The following DENND1A variants were observed in gnomAD, a reference collection of about 807,000 sequenced individuals.
DENND1A encodes DENN domain containing 1A, also known as DENN domain-containing protein 1A.
Under a neutral mutation model 113.7 loss-of-function variants are expected in DENND1A, and 51 were observed. The ratio of observed to expected loss-of-function variants is 0.45; its 90% CI spans 0.36 to 0.57. The LOEUF (loss-of-function observed/expected upper bound fraction) is 0.57. Among genes scored for constraint, DENND1A ranks in the 20% least tolerant of loss-of-function variants. The pLI is 0.00. For synonymous variants in DENND1A, 565 were observed against 570.8 expected, an observed-to-expected ratio of 0.99 and a Z score of 0.14; for missense variants, 1,258 against 1,395.9, an observed-to-expected ratio of 0.90 and a Z score of 1.57.
intron 13 of DENND1A, among the ~76,000 whole-genome samples, chr9:123,512,432 T>C (rs1488946490): frequency 6.6e-6 from 1 of 152,240 alleles, no homozygotes; most frequent in African/African-American, 2.4e-5. Context: ...GAGGCCTCTA[T>C]AGATGCAGGT....
chr9:123,455,481 C>A (rs1421115326), intron 15 of DENND1A, among the ~76,000 whole-genome samples: 1 of 152,262 alleles, frequency 6.6e-6, no homozygotes. Context: ...TGCCTAGTCA[C>A]CACGCCCTAC....
chr9:123,518,549 A>G (rs113497420), intron 13 of DENND1A, among the ~76,000 whole-genome samples: 1 of 152,260 alleles, frequency 6.6e-6, no homozygotes, highest in African/African-American at 2.4e-5. Flanking sequence ...GACCCAGGGC[A>G]GGCCACTCCT....
chr9:123,763,322 T>TC (rs1468629054), intron 4 of DENND1A, among the ~76,000 whole-genome samples: 4 of 152,006 alleles, frequency 2.6e-5, no homozygotes, highest in Non-Finnish European at 5.9e-5. Flanking sequence ...GATGGATAGT[T>TC]CAAGTTATAG....
intron 2 of DENND1A, among the ~76,000 whole-genome samples, chr9:123,826,696 C>T (rs1219941121): frequency 6.6e-6 from 1 of 152,136 alleles, no homozygotes; most frequent in African/African-American, 2.4e-5. Context: ...ACCTATTCTC[C>T]ACTCTGTCCC....
intron 1 of DENND1A, among the ~76,000 whole-genome samples, chr9:123,884,997 G>A (rs866380920): frequency 4.0e-4 from 58 of 145,948 alleles, no homozygotes; most frequent in Admixed American, 2.6e-3. Flanking sequence ...GAGCGCGCGC[G>A]CACACACACA....
chr9:123,806,290 C>G (rs1305028673), intron 2 of DENND1A, among the ~76,000 whole-genome samples: 1 of 151,908 alleles, frequency 6.6e-6, no homozygotes, highest in Non-Finnish European at 1.5e-5. Context: ...GAGTCTCGCT[C>G]TGTCACCGAG....
rs1344107795 is a variant in DENND1A, at chr9:123,855,086, C to T, written c.88+23865G>A. Among the ~76,000 whole-genome samples, 4 of 151,322 alleles carry T rather than the reference C, an allele frequency of 2.6e-5. 1 individual carries two copies. The highest frequency in any genetic ancestry group is 3.4e-3 in the Middle Eastern group (1 of 294). On this transcript the variant is annotated intron_variant, in intron 2 of 23. Coordinates refer to ENST00000394215, the MANE Select transcript of DENND1A (RefSeq NM_001352964.2). ...TATGTAAATGGAGCTATTTCAAAAG[C>T]CTCACAAACAACTGATACTAACATT...
chr9:123,641,036 G>A (rs754666465), intron 9 of DENND1A, among the ~76,000 whole-genome samples: 2 of 152,194 alleles, frequency 1.3e-5, no homozygotes, highest in African/African-American at 2.4e-5. Context: ...ATGTGAATGT[G>A]CTCCGTGTCT....
At position 123,652,097 on chromosome 9, in the gene DENND1A, A is replaced by G; in HGVS notation, c.534T>C (p.Ala178=). ...ENRNLTEYFV[A]VDVNNMLHLY... Reference sequence around the variant, plus strand: ...GATGCAACATGTTGTTAACATCCACAGCCACAAAATATTCTGTCAGATTTC... The same window carrying G: ...GATGCAACATGTTGTTAACATCCACGGCCACAAAATATTCTGTCAGATTTC... The change falls in exon 9 of 24, where the codon GCT becomes GCC. Residue 178 remains alanine (A), a synonymous_variant. Transcript: ENST00000394215. 1.2e-6 allele frequency: 2 copies of G among 1,614,198 alleles called. No individual in the cohort carries two copies. The highest frequency in any genetic ancestry group is 1.7e-6 in the Non-Finnish European group (2 of 1,180,034).
At chr9:123,738,060 T>C (rs933380623) in intron 5 of DENND1A, among the ~76,000 whole-genome samples, 1 of 152,204 alleles carries the variant, frequency 6.6e-6, no homozygotes, top group East Asian at 1.9e-4. Context: ...CTATCCTGAA[T>C]GTAAAGCACT....
intron 2 of DENND1A, among the ~76,000 whole-genome samples, chr9:123,813,867 C>A (rs926178261): frequency 6.6e-6 from 1 of 152,152 alleles, no homozygotes; most frequent in Admixed American, 6.5e-5. Context: ...CCACTCCTTT[C>A]CAAAACTTAG....
chr9:123,702,681 C>T (rs1726005921), intron 5 of DENND1A, among the ~76,000 whole-genome samples: 1 of 152,184 alleles, frequency 6.6e-6, no homozygotes, highest in Non-Finnish European at 1.5e-5. Flanking sequence ...AGGAAAAATA[C>T]TGTCAACCAA....
At chr9:123,904,273 CAG>C (rs1852332234) in intron 1 of DENND1A, among the ~76,000 whole-genome samples, 1 of 151,864 alleles carries the variant, frequency 6.6e-6, no homozygotes, top group African/African-American at 2.4e-5. Flanking sequence ...GGGGAAAAAA[CAG>C]AACAGAAAAA....
At chr9:123,531,762 G>C (rs1294117444) in intron 13 of DENND1A, among the ~76,000 whole-genome samples, 2 of 152,060 alleles carry the variant, frequency 1.3e-5, no homozygotes, top group Non-Finnish European at 2.9e-5. Flanking sequence ...CTAGAAATAA[G>C]AAACTTAAAA....
At chr9:123,617,470 C>T (rs1426788689) in intron 10 of DENND1A, among the ~76,000 whole-genome samples, 1 of 152,088 alleles carries the variant, frequency 6.6e-6, no homozygotes, top group African/African-American at 2.4e-5. Context: ...TTGTGGCTTC[C>T]TGGGGTAACC....
intron 13 of DENND1A, among the ~76,000 whole-genome samples, chr9:123,471,096 G>A (rs1013786786): frequency 1.3e-5 from 2 of 152,190 alleles, no homozygotes; most frequent in African/African-American, 4.8e-5. Flanking sequence ...TAATGTGAAT[G>A]TGTTGTTTCT....
At chr9:123,859,440 T>G (rs547686766) in intron 2 of DENND1A, among the ~76,000 whole-genome samples, 3 of 151,348 alleles carry the variant, frequency 2.0e-5, no homozygotes, top group African/African-American at 7.3e-5. Context: ...AATGCAGGTA[T>G]AGACCTAATT....
chr9:123,871,758 T>C (rs533135325), intron 2 of DENND1A, among the ~76,000 whole-genome samples: 15 of 152,012 alleles, frequency 9.9e-5, no homozygotes, highest in African/African-American at 3.1e-4. Flanking sequence ...AAAGTGGCCA[T>C]TGGGCTAATG....
chr9:123,874,220 A>G (rs1847098629), intron 2 of DENND1A, among the ~76,000 whole-genome samples: 1 of 151,396 alleles, frequency 6.6e-6, no homozygotes, highest in African/African-American at 2.4e-5. Context: ...AAAAAAACGA[A>G]AAAAAGGAAA....
Sources: gnomAD v4.1 joint callset for allele counts (sites outside exome capture counted in the v4.1 genomes callset) on GRCh38, gnomAD v4.1.1 for gene constraint, MANE v1.5 for transcripts, NCBI Gene and HGNC (gene_info 2026-07-23, HGNC 2026-07-21) for gene names.